Variants in LDB2 observed in about 807,000 individuals in gnomAD.
LDB2 encodes the protein LIM domain binding 2.
Under a neutral mutation model 44.3 loss-of-function variants are expected in LDB2, and 12 were observed. That is an observed-to-expected ratio of 0.27 (90% CI 0.17 to 0.44). The LOEUF (loss-of-function observed/expected upper bound fraction) is 0.44. LDB2 is among the 20% of genes least tolerant of loss of function. The pLI is 1.00. For missense variants in LDB2, 344 were observed against 473.5 expected (o/e 0.73, Z 2.54); for synonymous variants, 164 against 174.8 (o/e 0.94, Z 0.49).
chr4:16,777,933 G>A (rs900806389), intron 1 of LDB2, among the ~76,000 whole-genome samples: 5 of 152,076 alleles, frequency 3.3e-5, no homozygotes, highest in African/African-American at 1.2e-4. Context: ...GGGATTTATT[G>A]CTGGTGTAGC....
intron 5 of LDB2, 153 bp from the exon 6 acceptor site, chr4:16,512,257 A>G: frequency 1.4e-6 from 1 of 726,928 alleles, no homozygotes; most frequent in Non-Finnish European, 2.1e-6. Flanking sequence ...AAAAATAAAT[A>G]TTACAAAAAC....
At position 16,854,999 on chromosome 4, in the gene LDB2, C is replaced by A. The variant is rs1789062243; in HGVS notation, c.132+43355G>T. 2.1e-5 allele frequency among the ~76,000 whole-genome samples: 3 copies of A among 145,210 alleles called. No individual in the cohort carries two copies. The Admixed American group carries it at 2.1e-4, about 10-fold the overall frequency. ...CTTCTAAAAATCAGTAAGAAAAAGACAAACAACCCAATAGAAAAAATGGGC... is the reference window on the plus strand; with the variant it reads ...CTTCTAAAAATCAGTAAGAAAAAGAAAAACAACCCAATAGAAAAAATGGGC... On this transcript the variant is annotated intron_variant, in intron 1 of 7. Transcript: ENST00000304523.
chr4:16,625,497 C>T (rs1730039050), intron 2 of LDB2, among the ~76,000 whole-genome samples: 2 of 152,128 alleles, frequency 1.3e-5, no homozygotes, highest in Admixed American at 1.3e-4. Context: ...ATTGCTGTAT[C>T]TCCACAATAC....
chr4:16,668,011 T>C (rs1020904798), intron 2 of LDB2, among the ~76,000 whole-genome samples: 2 of 152,140 alleles, frequency 1.3e-5, no homozygotes, highest in Admixed American at 1.3e-4. Context: ...CCAATAGAGT[T>C]CATGAATCCA....
At chr4:16,868,924 G>A (rs1305383251) in intron 1 of LDB2, among the ~76,000 whole-genome samples, 3 of 152,028 alleles carry the variant, frequency 2.0e-5, no homozygotes, top group South Asian at 2.1e-4. Context: ...AGAGGAAGAC[G>A]TTACTGGTGA....
intron 5 of LDB2, among the ~76,000 whole-genome samples, chr4:16,543,605 A>G (rs909439878): frequency 3.9e-5 from 6 of 152,214 alleles, no homozygotes; most frequent in African/African-American, 1.4e-4. Flanking sequence ...CCTTGTAGAA[A>G]AATTAATTCA....
intron 2 of LDB2, among the ~76,000 whole-genome samples, chr4:16,665,790 T>C (rs1578602237): frequency 6.6e-6 from 1 of 152,292 alleles, no homozygotes. Context: ...AGATGTAATT[T>C]AGAATCAACA....
intron 5 of LDB2, among the ~76,000 whole-genome samples, chr4:16,582,000 GGGAAGGAAGGAAGGAAGGAA>G (rs35585551): frequency 8.7e-5 from 9 of 103,902 alleles, no homozygotes; most frequent in South Asian, 3.4e-4. Flanking sequence ...AGGGAAGGAA[GGGAAGGAAGGAAGGAAGGAA>G]GGAAGGAAGG....
At chr4:16,829,965 C>T (rs62298180) in intron 1 of LDB2, among the ~76,000 whole-genome samples, 27,391 of 151,838 alleles carry the variant, frequency 0.18, 2,920 homozygotes, top group Non-Finnish European at 0.23. Flanking sequence ...ATTAGCTGGG[C>T]GTGGTGCCGT....
At chr4:16,577,149 C>A in intron 5 of LDB2, among the ~76,000 whole-genome samples, 1 of 152,096 alleles carries the variant, frequency 6.6e-6, no homozygotes, top group East Asian at 1.9e-4. Context: ...AAGTTTTAGT[C>A]TTTTCTTTAA....
intron 2 of LDB2, among the ~76,000 whole-genome samples, chr4:16,718,511 A>G (rs1757558950): frequency 6.6e-6 from 1 of 152,142 alleles, no homozygotes; most frequent in Non-Finnish European, 1.5e-5. Context: ...AATGAGAGCT[A>G]CAAATTGAGT....
chr4:16,770,689 TCTCTA>T (rs1370280314), intron 1 of LDB2, among the ~76,000 whole-genome samples: 1 of 152,212 alleles, frequency 6.6e-6, no homozygotes, highest in Admixed American at 6.5e-5. Flanking sequence ...CCTGTTGCAA[TCTCTA>T]CTCTATACTA....
rs929968540 is a variant in LDB2, at chr4:16,610,764, G to A, written c.236-14889C>T. 7.2e-5 allele frequency among the ~76,000 whole-genome samples: 11 copies of A among 152,094 alleles called. No individual in the cohort carries two copies. The East Asian group carries it at 2.1e-3, about 29-fold the overall frequency. On this transcript the variant is annotated intron_variant, in intron 2 of 7. Coordinates refer to ENST00000304523, the MANE Select transcript of LDB2 (RefSeq NM_001290.5). ...CTGGAGTACCAGAATGTGATGGGGAGAATGGAAACAAGCTGGAAAACACCC... is the reference window on the plus strand; with the variant it reads ...CTGGAGTACCAGAATGTGATGGGGAAAATGGAAACAAGCTGGAAAACACCC...
Position 16,681,618 on chromosome 4 carries a change from C to CT in LDB2, c.235+77539dup, listed in dbSNP as rs536589787. ...GCAAATAATTGAATTGTATTCTATTCTTTTTTTTTTTTTTTTTTTTTTTTT... is the reference window on the plus strand; with the variant it reads ...GCAAATAATTGAATTGTATTCTATTCTTTTTTTTTTTTTTTTTTTTTTTTTT... On this transcript the variant is annotated intron_variant, in intron 2 of 7. Transcript: ENST00000304523. 3.5e-3 allele frequency among the ~76,000 whole-genome samples: 217 copies of CT among 61,710 alleles called. 29 individuals are homozygous for CT. Among genetic ancestry groups the CT allele is most frequent in the East Asian group, 0.01 (17 of 1,638 alleles). The allele number at this position is 61,710 out of a possible 152,430, so 40.5% of individuals were successfully genotyped here. A position where few individuals can be genotyped will look rare whatever the true frequency, so the allele number is the denominator to read the frequency against.
intron 5 of LDB2, among the ~76,000 whole-genome samples, chr4:16,560,125 A>C (rs929329973): frequency 3.3e-5 from 5 of 152,236 alleles, no homozygotes; most frequent in African/African-American, 9.6e-5. Flanking sequence ...GAAAGATCCA[A>C]AATTGACACC....
intron 5 of LDB2, among the ~76,000 whole-genome samples, chr4:16,543,908 A>G (rs1734778332): frequency 6.6e-6 from 1 of 152,144 alleles, no homozygotes; most frequent in East Asian, 1.9e-4. Flanking sequence ...AACTTAAACA[A>G]ATTTACAAGA....
intron 1 of LDB2, among the ~76,000 whole-genome samples, chr4:16,861,343 A>T (rs1712475352): frequency 6.6e-6 from 1 of 152,178 alleles, no homozygotes; most frequent in South Asian, 2.1e-4. Context: ...GGACTGTCCC[A>T]TGAATTGTCT....
intron 5 of LDB2, among the ~76,000 whole-genome samples, chr4:16,578,433 G>C (rs1316080215): frequency 6.6e-6 from 1 of 152,094 alleles, no homozygotes; most frequent in African/African-American, 2.4e-5. Flanking sequence ...CATACAAATG[G>C]CAAACAGGTA....
chr4:16,569,489 G>A (rs1217482490), intron 5 of LDB2, among the ~76,000 whole-genome samples: 1 of 152,202 alleles, frequency 6.6e-6, no homozygotes, highest in East Asian at 1.9e-4. Context: ...GAGGAGCATA[G>A]ACATAAGTAG....
Sources: gnomAD v4.1 joint callset for allele counts (sites outside exome capture counted in the v4.1 genomes callset) on GRCh38, gnomAD v4.1.1 for gene constraint, MANE v1.5 for transcripts, NCBI Gene and HGNC (gene_info 2026-07-23, HGNC 2026-07-21) for gene names.